Variants in KANK1 observed in about 807,000 individuals in gnomAD.
The protein encoded by KANK1 is KN motif and ankyrin repeat domain-containing protein 1.
Under a neutral mutation model 106.2 loss-of-function variants are expected in KANK1, and 109 were observed. The observed-to-expected ratio is 1.03, with a 90% confidence interval of 0.88 to 1.20. KANK1 has a LOEUF of 1.20. Ranked by LOEUF, KANK1 falls within the 50% of genes most tolerant of loss-of-function variation. The probability of loss-of-function intolerance (pLI) is 0.00; values close to 1 mark genes in which losing one functional copy is unlikely to be tolerated. For synonymous variants in KANK1, 873 were observed against 652.2 expected (o/e 1.34, Z -5.16); for missense variants, 2,399 against 1,710.7 (o/e 1.40, Z -7.10).
Position 745,364 on chromosome 9 carries a change from G to T in KANK1, c.*129G>T, listed in dbSNP as rs1247540256. The T allele has an allele frequency of 4.7e-5, 56 of 1,193,458 alleles. No homozygotes were observed. The highest frequency in any genetic ancestry group is 6.4e-5 in the Non-Finnish European group (52 of 817,684). The allele number at this position is 1,193,458 out of a possible 1,614,324, so 73.9% of individuals were successfully genotyped here. On this transcript the variant is annotated 3_prime_UTR_variant, in exon 12 of 12. Transcript: ENST00000382297. The stretch of plus-strand genomic sequence containing the variant: ...AGCAAACAGAAGCATCAAGCCCAGG[G>T]GTAAAGGCTGAAGCTTTCACAGTGC...
chr9:521,455 C>G (rs766412708), intron 1 of KANK1, among the ~76,000 whole-genome samples: 17 of 151,622 alleles, frequency 1.1e-4, no homozygotes, highest in Non-Finnish European at 2.4e-4. Context: ...GAGCTCTTAA[C>G]CTGCTTCCAG....
chr9:505,374 C>T (rs1587311811), intron 1 of KANK1, among the ~76,000 whole-genome samples: 1 of 152,056 alleles, frequency 6.6e-6, no homozygotes, highest in South Asian at 2.1e-4. Flanking sequence ...GTGGGCGCTG[C>T]GGCCTCTGGG....
At chr9:486,914 C>G (rs1280142464) in intron 3 of KANK1, among the ~76,000 whole-genome samples, 3 of 152,100 alleles carry the variant, frequency 2.0e-5, no homozygotes, top group Non-Finnish European at 2.9e-5. Context: ...ATTTTTATGT[C>G]TTCTTGCAGT....
intron 1 of KANK1, among the ~76,000 whole-genome samples, chr9:551,264 C>G (rs946243603): frequency 1.3e-5 from 2 of 151,598 alleles, no homozygotes; most frequent in Admixed American, 1.3e-4. Flanking sequence ...CTGTTTCCCT[C>G]TTTTTGTCCA....
intron 1 of KANK1, among the ~76,000 whole-genome samples, chr9:580,114 T>C (rs987439332): frequency 5.9e-5 from 9 of 152,158 alleles, no homozygotes; most frequent in African/African-American, 1.9e-4. Flanking sequence ...TTCATTCTGG[T>C]AGGTTCGTGG....
chr9:533,962 C>T (rs2060180916), intron 1 of KANK1, among the ~76,000 whole-genome samples: 1 of 152,172 alleles, frequency 6.6e-6, no homozygotes, highest in South Asian at 2.1e-4. Flanking sequence ...CCAGATTTCA[C>T]ATTTATGTTG....
chr9:583,085 A>G (rs1185425909), intron 1 of KANK1, among the ~76,000 whole-genome samples: 2 of 152,232 alleles, frequency 1.3e-5, no homozygotes, highest in Non-Finnish European at 2.9e-5. Flanking sequence ...TGGTTGGTGC[A>G]GAACCTAGTA....
At chr9:677,487 A>G (rs1469500078) in intron 2 of KANK1, 5 of 152,676 alleles carry the variant, frequency 3.3e-5, no homozygotes, top group Non-Finnish European at 5.9e-5. Flanking sequence ...AAGCCATATT[A>G]TGAATCATAA....
rs10815155 is a variant in KANK1 at position 518,746 on chromosome 9, G to T, written c.-84+13992G>T. On this transcript the variant is annotated intron_variant, in intron 1 of 11. Coordinates refer to ENST00000382297, the MANE Select transcript of KANK1 (RefSeq NM_015158.5). ...TAGGCTAGAGGAGCGGAGAAAGGGC[G>T]GTGACCCTGTATGACATACAGTGAA... 5.3e-5 allele frequency among the ~76,000 whole-genome samples: 8 copies of T among 151,024 alleles called. No homozygotes were observed. In the South Asian group the frequency reaches 8.3e-4, roughly 16 times the overall value.
intron 1 of KANK1, among the ~76,000 whole-genome samples, chr9:665,240 C>G (rs1428587442): frequency 6.6e-6 from 1 of 152,054 alleles, no homozygotes. Flanking sequence ...AAATTTTTGC[C>G]CAGACCAATG....
rs531421920 is a variant in KANK1 at position 591,117 on chromosome 9, A to G, written c.-83-85773A>G. Among the ~76,000 whole-genome samples the G allele has an allele frequency of 1.1e-3, 168 of 151,742 alleles. 5 individuals carry two copies. Among genetic ancestry groups the G allele is most frequent in the African/African-American group, 4.0e-3 (163 of 41,128 alleles). Reference sequence around the variant, plus strand: ...TCATATCCTTTGCCCATTTCTCCAGAGGGGTATTTGCTATTTTTGTTACTG... The same window carrying G: ...TCATATCCTTTGCCCATTTCTCCAGGGGGGTATTTGCTATTTTTGTTACTG... On this transcript the variant is annotated intron_variant, in intron 1 of 11. Coordinates refer to ENST00000382297, the MANE Select transcript of KANK1 (RefSeq NM_015158.5).
intron 1 of KANK1, among the ~76,000 whole-genome samples, chr9:610,570 G>A (rs1004999347): frequency 1.3e-5 from 2 of 152,168 alleles, no homozygotes; most frequent in Admixed American, 6.5e-5. Context: ...CCTCTGCTGC[G>A]TCAGGTAATG....
At chr9:663,796 C>T (rs1321872710) in intron 1 of KANK1, among the ~76,000 whole-genome samples, 1 of 152,124 alleles carries the variant, frequency 6.6e-6, no homozygotes, top group African/African-American at 2.4e-5. Context: ...TTAACCTGTT[C>T]CTTGGCAGTG....
At chr9:505,719 T>C (rs1289225815) in intron 1 of KANK1, among the ~76,000 whole-genome samples, 1 of 152,248 alleles carries the variant, frequency 6.6e-6, no homozygotes, top group Non-Finnish European at 1.5e-5. Flanking sequence ...ACGTGGCCTC[T>C]GCGGAGGGTC....
intron 1 of KANK1, among the ~76,000 whole-genome samples, chr9:550,060 G>A (rs111460112): frequency 1.8e-4 from 27 of 152,080 alleles, no homozygotes; most frequent in Admixed American, 4.6e-4. Context: ...TTGCTTTCTC[G>A]TGAGGAATGT....
intron 1 of KANK1, among the ~76,000 whole-genome samples, chr9:520,479 G>C (rs137973200): frequency 1.3e-5 from 2 of 151,936 alleles, no homozygotes; most frequent in East Asian, 3.9e-4. Flanking sequence ...TGGTAGAGAA[G>C]TGTGGTTAAT....
chr9:580,674 G>A (rs1821853530), intron 1 of KANK1, among the ~76,000 whole-genome samples: 1 of 152,246 alleles, frequency 6.6e-6, no homozygotes, highest in Non-Finnish European at 1.5e-5. Context: ...GGTTCTCCAA[G>A]TGCCCACTAG....
At chr9:607,450 A>C (rs1219989925) in intron 1 of KANK1, among the ~76,000 whole-genome samples, 2 of 136,394 alleles carry the variant, frequency 1.5e-5, no homozygotes, top group African/African-American at 2.9e-5. Context: ...GTGCCATTGC[A>C]CTCCAGCCTG....
chr9:708,955 C>A (rs907701720), intron 2 of KANK1, among the ~76,000 whole-genome samples: 1 of 152,224 alleles, frequency 6.6e-6, no homozygotes, highest in African/African-American at 2.4e-5. Context: ...GCGACAAGGT[C>A]TGCGCTTTGA....
Sources: gnomAD v4.1 joint callset for allele counts (sites outside exome capture counted in the v4.1 genomes callset) on GRCh38, gnomAD v4.1.1 for gene constraint, MANE v1.5 for transcripts, NCBI Gene and HGNC (gene_info 2026-07-23, HGNC 2026-07-21) for gene names.